Variants in CATSPERB observed in about 807,000 individuals in gnomAD.
The protein encoded by CATSPERB is catsper channel auxiliary subunit beta.
In CATSPERB, 93 loss-of-function variants were observed where a neutral mutation model predicts 128.3. The ratio of observed to expected loss-of-function variants is 0.72; its 90% CI spans 0.61 to 0.86. CATSPERB has a LOEUF of 0.86. CATSPERB is among the 40% of genes least tolerant of loss of function. The pLI, the probability that CATSPERB is intolerant of heterozygous loss-of-function variation, is 0.00. For synonymous variants in CATSPERB, 381 were observed against 448.8 expected (o/e 0.85, Z 1.91); for missense variants, 1,153 against 1,329.5 (o/e 0.87, Z 2.06).
At chr14:91,667,880 ATT>A (rs1203667913) in intron 14 of CATSPERB, among the ~76,000 whole-genome samples, 1 of 152,180 alleles carries the variant, frequency 6.6e-6, no homozygotes, top group Non-Finnish European at 1.5e-5. Context: ...CCATCTTGCT[ATT>A]ACTCACCTTT....
chr14:91,663,441 C>A (rs966699578), intron 14 of CATSPERB, among the ~76,000 whole-genome samples: 1 of 151,952 alleles, frequency 6.6e-6, no homozygotes, highest in Non-Finnish European at 1.5e-5. Flanking sequence ...GTCAGGAGAT[C>A]GAGACCATCC....
chr14:91,662,530 T>C (rs1566722521), intron 14 of CATSPERB, among the ~76,000 whole-genome samples: 1 of 152,174 alleles, frequency 6.6e-6, no homozygotes, highest in Non-Finnish European at 1.5e-5. Context: ...TTTTAAAATG[T>C]CTCCGGATAT....
intron 22 of CATSPERB, among the ~76,000 whole-genome samples, chr14:91,600,803 G>C (rs1467690793): frequency 2.0e-5 from 3 of 152,222 alleles, no homozygotes; most frequent in Non-Finnish European, 4.4e-5. Flanking sequence ...GGGGATGGCT[G>C]GTGCCTCCCA....
chr14:91,710,897 A>G (rs1025899348), intron 5 of CATSPERB, among the ~76,000 whole-genome samples: 2 of 152,158 alleles, frequency 1.3e-5, no homozygotes, highest in African/African-American at 4.8e-5. Flanking sequence ...GCTTCTCTAG[A>G]GCTCTAGCAT....
chr14:91,650,646 A>C (rs1894687902), intron 15 of CATSPERB, among the ~76,000 whole-genome samples: 1 of 151,762 alleles, frequency 6.6e-6, no homozygotes, highest in East Asian at 1.9e-4. Context: ...AATTAATGTC[A>C]TTATTGATTT....
At chr14:91,671,934 G>C (rs1318818927) in intron 13 of CATSPERB, among the ~76,000 whole-genome samples, 4 of 151,518 alleles carry the variant, frequency 2.6e-5, no homozygotes, top group Non-Finnish European at 5.9e-5. Context: ...GCAGGAGAAT[G>C]GCGTGAACCC....
intron 15 of CATSPERB, among the ~76,000 whole-genome samples, chr14:91,659,564 C>T (rs1001512127): frequency 6.6e-6 from 1 of 152,170 alleles, no homozygotes; most frequent in African/African-American, 2.4e-5. Flanking sequence ...ACATGCTGAG[C>T]ACAATTGTAG....
chr14:91,673,869 GAGA>G (rs1256345949), intron 12 of CATSPERB, among the ~76,000 whole-genome samples: 3 of 144,268 alleles, frequency 2.1e-5, no homozygotes, highest in Non-Finnish European at 3.1e-5. Context: ...GAGACAGAGC[GAGA>G]CTCTGTCTCA....
chr14:91,585,621 T>A (rs1893284241), intron 26 of CATSPERB, among the ~76,000 whole-genome samples: 1 of 152,250 alleles, frequency 6.6e-6, no homozygotes, highest in African/African-American at 2.4e-5. Flanking sequence ...TGTTTACCTG[T>A]ACTGCATGGA....
chr14:91,605,410 G>A, intron 22 of CATSPERB: 1 of 530,808 alleles, frequency 1.9e-6, no homozygotes, highest in Middle Eastern at 5.1e-4. Context: ...GAAGATCTTA[G>A]AGAAATATGA....
intron 20 of CATSPERB, among the ~76,000 whole-genome samples, chr14:91,613,536 T>TA (rs1302525109): frequency 1.1e-4 from 16 of 152,216 alleles, no homozygotes; most frequent in African/African-American, 3.9e-4. Context: ...GTAGTATTGT[T>TA]AGAGTAGGCA....
intron 15 of CATSPERB, among the ~76,000 whole-genome samples, chr14:91,649,788 T>C (rs1894674216): frequency 6.6e-6 from 1 of 151,998 alleles, no homozygotes; most frequent in Admixed American, 6.6e-5. Context: ...CTTGGCTTTT[T>C]AGTTTTAACT....
intron 17 of CATSPERB, chr14:91,636,188 C>T (rs1894370656): frequency 2.3e-6 from 1 of 426,284 alleles, no homozygotes; most frequent in Admixed American, 3.6e-5. Context: ...CATGGTGAAA[C>T]CCCATCTCTA....
rs112093144 is a variant in CATSPERB at position 91,729,969 on chromosome 14, G to A, written c.1-490C>T. Among the ~76,000 whole-genome samples, 920 of 152,250 alleles carry A rather than the reference G, an allele frequency of 6.0e-3. 14 individuals are homozygous for A. The highest frequency in any genetic ancestry group is 0.021 in the African/African-American group (864 of 41,534). On this transcript the variant is annotated intron_variant, in intron 1 of 26. Transcript: ENST00000256343. The stretch of plus-strand genomic sequence containing the variant: ...TGTGTTTTGTAGCCACCAGCCTTGA[G>A]GGATGAGGTAAGGCACCCTGGACAA...
chr14:91,587,318 G>T, intron 25 of CATSPERB, 42 bp from the exon 26 acceptor site: 1 of 1,440,540 alleles, frequency 6.9e-7, no homozygotes. Context: ...GCATCAACAT[G>T]TACATTCCTT....
intron 20 of CATSPERB, among the ~76,000 whole-genome samples, chr14:91,616,425 T>C (rs1217922423): frequency 7.8e-4 from 118 of 152,154 alleles, no homozygotes; most frequent in Non-Finnish European, 1.2e-4. Context: ...ATTTACTGAA[T>C]AAAGTAATGC....
intron 22 of CATSPERB, among the ~76,000 whole-genome samples, chr14:91,606,450 C>T (rs1275820459): frequency 6.6e-6 from 1 of 151,932 alleles, no homozygotes; most frequent in Non-Finnish European, 1.5e-5. Context: ...GTAATCCCAG[C>T]TACTCAGGGG....
intron 22 of CATSPERB, chr14:91,603,432 A>G (rs1893642240): frequency 9.5e-6 from 15 of 1,583,888 alleles, no homozygotes; most frequent in Non-Finnish European, 1.3e-5. Flanking sequence ...ATTCCCAGCC[A>G]TCAGAACTAG....
chr14:91,639,211 C>T lies in CATSPERB; in HGVS notation c.1472G>A (p.Arg491Lys), dbSNP rs772415261. 2 of 1,613,824 alleles carry T rather than the reference C, an allele frequency of 1.2e-6. No homozygotes were observed. Among genetic ancestry groups the T allele is most frequent in the South Asian group, 1.1e-5 (1 of 91,066 alleles). ...RYSAVGSVTE[R>K]IFTLYYDHLG... ...GTGATCATAGTATAATGTGAAAATT[C>T]TCTCAGTAACACTTCCGACTGCACT... is the stretch of plus-strand genomic sequence containing the variant. Residue 491 changes from arginine (R) to lysine (K), a missense_variant, in exon 16 of 27, where the codon AGA (arginine) becomes AAA (lysine). Transcript: ENST00000256343.
Sources: gnomAD v4.1 joint callset for allele counts (sites outside exome capture counted in the v4.1 genomes callset) on GRCh38, gnomAD v4.1.1 for gene constraint, MANE v1.5 for transcripts, NCBI Gene and HGNC (gene_info 2026-07-23, HGNC 2026-07-21) for gene names.